Variants in FAM83F observed in about 807,000 individuals in gnomAD.
FAM83F encodes protein FAM83F.
Under a neutral mutation model 42.9 loss-of-function variants are expected in FAM83F, and 45 were observed. The ratio of observed to expected loss-of-function variants is 1.05; its 90% CI spans 0.83 to 1.35. The LOEUF (loss-of-function observed/expected upper bound fraction) is 1.35, where lower values mean the gene tolerates loss of function less well. FAM83F is among the 40% of genes most tolerant of loss of function. FAM83F has a pLI of 0.00. For missense variants in FAM83F, 617 were observed against 695.9 expected (o/e 0.89, Z 1.28); for synonymous variants, 306 against 298.3 (o/e 1.03, Z -0.27).
rs934088726 is a variant in FAM83F at position 39,995,560 on chromosome 22, C to T, written c.489+29C>T. The T allele has an allele frequency of 3.3e-6, 5 of 1,519,826 alleles. No homozygotes were observed. The African/African-American group carries it at 6.9e-5, about 21-fold the overall frequency. 94.1% of individuals were successfully genotyped at this position (1,519,826 alleles called of 1,614,324 possible). A position where few individuals can be genotyped will look rare whatever the true frequency, so the allele number is the denominator to read the frequency against. ...GGCCCCCGCCTTCGCCCCCACACCG[C>T]TGGGACCTCGGCCCCAGTCCCCTGG... On this transcript the variant is annotated intron_variant, in intron 1 of 4. Transcript: ENST00000333407. The surrounding 1 kb of genome is among the most constrained non-coding windows in gnomAD (Gnocchi z 4.6).
rs777122849 is a variant in FAM83F at position 40,021,797 on chromosome 22, G to A, written c.1287G>A (p.Arg429=). 1.2e-6 allele frequency: 2 copies of A among 1,612,536 alleles called. No individual in the cohort carries two copies. The highest frequency in any genetic ancestry group is 2.7e-5 in the African/African-American group (2 of 74,906). ...PSRNGMGEAA[R]GEAAPARRFS... is the part of the protein sequence containing the mutation. ...GAAACGGCATGGGAGAAGCGGCCCG[G>A]GGGGAGGCCGCCCCCGCCAGGCGCT... is the stretch of plus-strand genomic sequence containing the variant. Residue 429 remains arginine (R), a synonymous_variant, in exon 4 of 5, where the codon CGG becomes CGA. Coordinates refer to ENST00000333407, the MANE Select transcript of FAM83F (RefSeq NM_138435.4). This position sits in a 1 kb window ranked among gnomAD's most constrained non-coding sequence, Gnocchi z 8.7.
Position 40,038,510 on chromosome 22 carries a change from G to A in FAM83F, c.*8945G>A, listed in dbSNP as rs565621600. The A allele has an allele frequency of 6.6e-6, 1 of 152,318 alleles. No homozygotes were observed. The highest frequency in any genetic ancestry group is 1.9e-4 in the East Asian group (1 of 5,184). The allele number at this position is 152,318 out of a possible 1,614,324, so 9.4% of individuals were successfully genotyped here. ...ATATGGAGAAAAAAGTTTTTCCTCTGGCCTTGTAGGATTGGTTATTACTGA... is the reference window on the plus strand; with the variant it reads ...ATATGGAGAAAAAAGTTTTTCCTCTAGCCTTGTAGGATTGGTTATTACTGA... On this transcript the variant is annotated 3_prime_UTR_variant, in exon 5 of 5. Coordinates refer to ENST00000333407, the MANE Select transcript of FAM83F (RefSeq NM_138435.4).
At position 40,032,751 on chromosome 22, in the gene FAM83F, A is replaced by G. The variant is rs1277714058; in HGVS notation, c.*3186A>G. On this transcript the variant is annotated 3_prime_UTR_variant, in exon 5 of 5. Coordinates refer to ENST00000333407, the MANE Select transcript of FAM83F (RefSeq NM_138435.4). Reference sequence around the variant, plus strand: ...GCCTGGCTAATTTTTTTATATTTTTATTAGAGACAGGGTTTCACCATGTTA... The same window carrying G: ...GCCTGGCTAATTTTTTTATATTTTTGTTAGAGACAGGGTTTCACCATGTTA... The G allele has an allele frequency of 6.6e-6, 1 of 151,702 alleles. No individual in the cohort carries two copies. Among genetic ancestry groups the G allele is most frequent in the Non-Finnish European group, 1.5e-5 (1 of 67,960 alleles). The allele number at this position is 151,702 out of a possible 1,614,324, so 9.4% of individuals were successfully genotyped here. A position where few individuals can be genotyped will look rare whatever the true frequency, so the allele number is the denominator to read the frequency against.
rs1388432505 is a variant in FAM83F at position 40,037,052 on chromosome 22, A to G, written c.*7487A>G. 2 of 152,266 alleles carry G rather than the reference A, an allele frequency of 1.3e-5. No homozygotes were observed. The highest frequency in any genetic ancestry group is 4.8e-5 in the African/African-American group (2 of 41,460). The allele number at this position is 152,266 out of a possible 1,614,324, so 9.4% of individuals were successfully genotyped here. On this transcript the variant is annotated 3_prime_UTR_variant, in exon 5 of 5. Transcript: ENST00000333407. ...AAATCTGAATCCATAATTTTCATGT[A>G]TCACAAAGTAGTAATATTCTTTTAA...
intron 1 of FAM83F, among the ~76,000 whole-genome samples, chr22:40,017,225 CT>C (rs59308005): frequency 3.4e-4 from 39 of 115,584 alleles, no homozygotes; most frequent in South Asian, 5.7e-4. Context: ...TCAGCACTTT[CT>C]TTTTTTTTTT....
rs2145720159 is a variant in FAM83F at position 40,021,239 on chromosome 22, A to G, written c.780-51A>G. Reference sequence around the variant, plus strand: ...GGCAGGTGGGGGCGGGGGCAGGGCAAGAGAGAGGCCTGGGCACATGTGTCT... The same window carrying G: ...GGCAGGTGGGGGCGGGGGCAGGGCAGGAGAGAGGCCTGGGCACATGTGTCT... On this transcript the variant is annotated intron_variant, in intron 3 of 4. Transcript: ENST00000333407. The surrounding 1 kb of genome is among the most constrained non-coding windows in gnomAD (Gnocchi z 8.7). The G allele has an allele frequency of 6.7e-7, 1 of 1,485,714 alleles. No homozygotes were observed. The highest frequency in any genetic ancestry group is 9.0e-7 in the Non-Finnish European group (1 of 1,116,114). 92.0% of individuals were successfully genotyped at this position (1,485,714 alleles called of 1,614,324 possible).
In FAM83F at chr22:40,019,164, C is replaced by T. The variant is rs370843420; in HGVS notation, c.490-4C>T. The stretch of plus-strand genomic sequence containing the variant: ...GTGCCTCACCAGTGCCTTTCCCCAC[C>T]CAGGTCATTGCTGTGGTCATGGACC... On this transcript the variant is annotated splice_polypyrimidine_tract_variant and splice_region_variant and intron_variant, in intron 1 of 4. Transcript: ENST00000333407. 7.4e-6 allele frequency: 12 copies of T among 1,613,602 alleles called. No homozygotes were observed. In the Middle Eastern group the frequency reaches 6.8e-4, roughly 92 times the overall value.
intron 1 of FAM83F, among the ~76,000 whole-genome samples, chr22:40,007,421 C>T (rs1279689533): frequency 2.5e-5 from 1 of 40,302 alleles, no homozygotes; most frequent in Non-Finnish European, 5.2e-5. Context: ...CTCCTGTCCT[C>T]CTCCTCTCCT....
intron 4 of FAM83F, among the ~76,000 whole-genome samples, chr22:40,028,254 C>T (rs1465023270): frequency 3.9e-5 from 6 of 152,182 alleles, no homozygotes; most frequent in South Asian, 2.1e-4. Flanking sequence ...GGATGAGGCC[C>T]GAGGCCGTGG....
intron 1 of FAM83F, among the ~76,000 whole-genome samples, chr22:40,004,730 G>A (rs1200871406): frequency 1.3e-5 from 2 of 152,198 alleles, no homozygotes; most frequent in East Asian, 1.9e-4. Flanking sequence ...GAGCCACCGC[G>A]CCTAGCCTAT....
chr22:40,020,323 C>T (rs543294653), intron 3 of FAM83F, among the ~76,000 whole-genome samples: 13 of 149,732 alleles, frequency 8.7e-5, no homozygotes, highest in South Asian at 2.1e-4. Context: ...TGGAAAGAAA[C>T]GGGAAGGTGT....
At chr22:40,007,264 C>CCT in intron 1 of FAM83F, among the ~76,000 whole-genome samples, 1 of 134,348 alleles carries the variant, frequency 7.4e-6, no homozygotes, top group African/African-American at 2.8e-5. Flanking sequence ...CTCCTTTCCT[C>CCT]CTCCTCTCTT....
At chr22:40,004,649 C>G (rs1209275243) in intron 1 of FAM83F, among the ~76,000 whole-genome samples, 1 of 152,092 alleles carries the variant, frequency 6.6e-6, no homozygotes, top group Non-Finnish European at 1.5e-5. Context: ...GTTGGCCAGG[C>G]TGGTCTCAAA....
In FAM83F at chr22:40,023,262, G is replaced by C. The variant is rs544208418; in HGVS notation, c.1453+1299G>C. ...GTAGTAAGGCCAGGATTCAAGACCA[G>C]GCATGGGCACAGCCATGTTCTGTCA... On this transcript the variant is annotated intron_variant, in intron 4 of 4. Coordinates refer to ENST00000333407, the MANE Select transcript of FAM83F (RefSeq NM_138435.4). The surrounding 1 kb of genome is among the most constrained non-coding windows in gnomAD (Gnocchi z 4.1). Among the ~76,000 whole-genome samples the C allele has an allele frequency of 6.6e-6, 1 of 152,340 alleles. No homozygotes were observed. Among genetic ancestry groups the C allele is most frequent in the African/African-American group, 2.4e-5 (1 of 41,580 alleles).
chr22:40,033,542 G>C lies in FAM83F; in HGVS notation c.*3977G>C, dbSNP rs1248837401. The C allele has an allele frequency of 6.6e-6, 1 of 152,306 alleles. No homozygotes were observed. Among genetic ancestry groups the C allele is most frequent in the Non-Finnish European group, 1.5e-5 (1 of 68,108 alleles). The allele number at this position is 152,306 out of a possible 1,614,324, so 9.4% of individuals were successfully genotyped here. On this transcript the variant is annotated 3_prime_UTR_variant, in exon 5 of 5. Coordinates refer to ENST00000333407, the MANE Select transcript of FAM83F (RefSeq NM_138435.4). Reference sequence around the variant, plus strand: ...TGCAGAATCCTCTGTTGGGGATGGGGCTGCCCTGTGCATTATAGTACGTTT... The same window carrying C: ...TGCAGAATCCTCTGTTGGGGATGGGCCTGCCCTGTGCATTATAGTACGTTT...
Position 40,021,976 on chromosome 22 carries a change from C to G in FAM83F, c.1453+13C>G. The stretch of plus-strand genomic sequence containing the variant: ...GCTGACATCTCAGGTGAGCCCTCTT[C>G]CCTCTGGCCTGGTGCCTCCCCAGGC... On this transcript the variant is annotated intron_variant, in intron 4 of 4. Transcript: ENST00000333407. The surrounding 1 kb of genome is among the most constrained non-coding windows in gnomAD (Gnocchi z 8.7). The G allele has an allele frequency of 6.5e-7, 1 of 1,528,180 alleles. No individual in the cohort carries two copies. Among genetic ancestry groups the G allele is most frequent in the Non-Finnish European group, 8.8e-7 (1 of 1,139,146 alleles). The allele number at this position is 1,528,180 out of a possible 1,614,324, so 94.7% of individuals were successfully genotyped here.
chr22:40,019,021 G>C, intron 1 of FAM83F, 147 bp from the exon 2 acceptor site: 1 of 885,396 alleles, frequency 1.1e-6, no homozygotes, highest in Non-Finnish European at 1.7e-6. Flanking sequence ...CAAAGATCGG[G>C]GGACGTGGAA....
At chr22:40,002,905 A>C (rs2067409490) in intron 1 of FAM83F, among the ~76,000 whole-genome samples, 1 of 152,122 alleles carries the variant, frequency 6.6e-6, no homozygotes, top group Non-Finnish European at 1.5e-5. Context: ...GCAAAGGAAG[A>C]GATATTTTCC....
rs1460943051 is a variant in FAM83F, at chr22:40,035,427, T to A, written c.*5862T>A. 1 of 152,232 alleles carries A rather than the reference T, an allele frequency of 6.6e-6. No homozygotes were observed. Among genetic ancestry groups the A allele is most frequent in the Non-Finnish European group, 1.5e-5 (1 of 68,092 alleles). The allele number at this position is 152,232 out of a possible 1,614,324, so 9.4% of individuals were successfully genotyped here. ...CTTATTTCCTGCTCGCAGCTTTGAC[T>A]CTCTGCCTCATCTCTTCCTGGAAGT... On this transcript the variant is annotated 3_prime_UTR_variant, in exon 5 of 5. Coordinates refer to ENST00000333407, the MANE Select transcript of FAM83F (RefSeq NM_138435.4).
Sources: allele counts gnomAD v4.1 joint callset (sites outside exome capture counted in the v4.1 genomes callset), GRCh38; gene constraint gnomAD v4.1.1; non-coding constraint Gnocchi (gnomAD v3.1); transcripts MANE v1.5; gene names NCBI Gene and HGNC (gene_info 2026-07-23, HGNC 2026-07-21).